Variants in RAB3B observed in about 807,000 individuals in gnomAD.
RAB3B encodes ras-related protein Rab-3B.
RAB3B carries 11 observed loss-of-function variants against 20.5 expected under a neutral mutation model. That is an observed-to-expected ratio of 0.54 (90% confidence interval 0.34 to 0.89). The LOEUF is 0.89. Ranked by LOEUF, RAB3B falls within the 40% of genes least tolerant of loss-of-function variation. The pLI is 0.02. For synonymous variants in RAB3B, 99 were observed against 106.3 expected (o/e 0.93, Z 0.42); for missense variants, 225 against 280.9 (o/e 0.80, Z 1.42).
intron 2 of RAB3B, among the ~76,000 whole-genome samples, chr1:51,948,996 G>C (rs370602820): frequency 6.6e-6 from 1 of 152,140 alleles, no homozygotes; most frequent in South Asian, 2.1e-4. Context: ...AATGTCAGAT[G>C]GTCCTTTGGA....
chr1:51,946,108 A>C (rs1684560763), intron 2 of RAB3B, among the ~76,000 whole-genome samples: 1 of 152,140 alleles, frequency 6.6e-6, no homozygotes, highest in Non-Finnish European at 1.5e-5. Flanking sequence ...AGGTGGTGAT[A>C]ATAATATTAT....
At chr1:51,934,775 C>CAAAA (rs34750673) in intron 3 of RAB3B, among the ~76,000 whole-genome samples, 29 of 69,896 alleles carry the variant, frequency 4.1e-4, no homozygotes, top group South Asian at 6.8e-4. Flanking sequence ...GACTCCATCT[C>CAAAA]AAAAAAAAAA....
chr1:51,953,585 T>C (rs1215474875), intron 2 of RAB3B, among the ~76,000 whole-genome samples: 1 of 152,138 alleles, frequency 6.6e-6, no homozygotes, highest in African/African-American at 2.4e-5. Context: ...GGGCAGATCA[T>C]CTGAGTTCAG....
At chr1:51,985,121 G>T (rs971709918) in intron 1 of RAB3B, among the ~76,000 whole-genome samples, 3 of 152,194 alleles carry the variant, frequency 2.0e-5, no homozygotes, top group Non-Finnish European at 4.4e-5. Flanking sequence ...CAAATAGAAA[G>T]AGTAGTACTA....
chr1:51,919,373 G>A lies in RAB3B; in HGVS notation c.*554C>T, dbSNP rs918574663. 2 of 152,448 alleles carry A rather than the reference G, an allele frequency of 1.3e-5. No individual in the cohort carries two copies. The highest frequency in any genetic ancestry group is 2.4e-5 in the African/African-American group (1 of 41,478). 9.4% of individuals were successfully genotyped at this position (152,448 alleles called of 1,614,324 possible). ...AGCTCTCTGAAGATTAGCTCTTCCT[G>A]TCGCCACAGCAACTGCCCAGGCCCT... On this transcript the variant is annotated 3_prime_UTR_variant, in exon 5 of 5. Coordinates refer to ENST00000371655, the MANE Select transcript of RAB3B (RefSeq NM_002867.4).
intron 4 of RAB3B, among the ~76,000 whole-genome samples, chr1:51,928,201 G>A (rs554885223): frequency 3.9e-5 from 6 of 152,208 alleles, no homozygotes; most frequent in Non-Finnish European, 8.8e-5. Context: ...CCGCCTCCCC[G>A]GTTCAGGCGA....
chr1:51,920,529 G>C (rs186609895), intron 4 of RAB3B, among the ~76,000 whole-genome samples: 4 of 152,178 alleles, frequency 2.6e-5, no homozygotes, highest in African/African-American at 9.7e-5. Flanking sequence ...ATGCATAAAC[G>C]TGTGTCCACA....
chr1:51,961,038 G>A (rs1684777351), intron 2 of RAB3B, among the ~76,000 whole-genome samples: 1 of 152,170 alleles, frequency 6.6e-6, no homozygotes, highest in Non-Finnish European at 1.5e-5. Flanking sequence ...GGAAACAGAG[G>A]TTCAGAGACA....
In RAB3B at chr1:51,918,971, C is replaced by CTTTTTTTTT. The variant is rs10525871; in HGVS notation, c.*947_*955dup. On this transcript the variant is annotated 3_prime_UTR_variant, in exon 5 of 5. Coordinates refer to ENST00000371655, the MANE Select transcript of RAB3B (RefSeq NM_002867.4). The stretch of plus-strand genomic sequence containing the variant: ...ATTTTGTAGGGGATAATCCTTTTCT[C>CTTTTTTTTT]TTTTTTTTTTTTTTTTTTTTTTTGA... The CTTTTTTTTT allele has an allele frequency of 3.8e-5, 5 of 132,122 alleles. No individual in the cohort carries two copies. Among genetic ancestry groups the CTTTTTTTTT allele is most frequent in the African/African-American group, 1.6e-4 (5 of 31,852 alleles). The allele number at this position is 132,122 out of a possible 1,614,324, so 8.2% of individuals were successfully genotyped here. A position where few individuals can be genotyped will look rare whatever the true frequency, so the allele number is the denominator to read the frequency against.
intron 3 of RAB3B, among the ~76,000 whole-genome samples, chr1:51,934,631 C>G (rs1383090283): frequency 6.6e-6 from 1 of 151,704 alleles, no homozygotes; most frequent in Non-Finnish European, 1.5e-5. Flanking sequence ...AAAAAATTAG[C>G]TGGGCATGGT....
intron 2 of RAB3B, among the ~76,000 whole-genome samples, chr1:51,957,487 C>G (rs1266529754): frequency 1.3e-5 from 2 of 152,202 alleles, no homozygotes; most frequent in Non-Finnish European, 2.9e-5. Flanking sequence ...AGCTTTGCCA[C>G]TTCTTGGCAT....
At chr1:51,952,846 A>C (rs1245459220) in intron 2 of RAB3B, among the ~76,000 whole-genome samples, 1 of 152,054 alleles carries the variant, frequency 6.6e-6, no homozygotes, top group Non-Finnish European at 1.5e-5. Context: ...AGCTTCTGTG[A>C]AGTTTCTCTT....
In RAB3B at chr1:51,937,379, T is replaced by A. The variant is rs1295436926; in HGVS notation, c.262A>T (p.Thr88Ser). Residue 88 changes from threonine to serine, a missense_variant, in exon 3 of 5, where the codon ACA (threonine) becomes TCA (serine). Coordinates refer to ENST00000371655, the MANE Select transcript of RAB3B (RefSeq NM_002867.4). ...TAGQERYRTI[T>S]TAYYRGAMGF... ...ATGGCCCCACGGTAATAGGCTGTTG[T>A]GATGGTCCGGTACCGCTCCTGCCCA... is the stretch of plus-strand genomic sequence containing the variant. 6 of 1,612,468 alleles carry A rather than the reference T, an allele frequency of 3.7e-6. No homozygotes were observed. The highest frequency in any genetic ancestry group is 5.1e-6 in the Non-Finnish European group (6 of 1,179,422).
intron 2 of RAB3B, among the ~76,000 whole-genome samples, chr1:51,953,132 T>C (rs1684661888): frequency 6.6e-6 from 1 of 152,204 alleles, no homozygotes; most frequent in South Asian, 2.1e-4. Flanking sequence ...GAATGAACCA[T>C]CATTCATAAT....
intron 4 of RAB3B, among the ~76,000 whole-genome samples, 168 bp downstream of exon 4, chr1:51,933,150 A>G (rs1684349076): frequency 1.3e-5 from 2 of 152,250 alleles, no homozygotes; most frequent in Admixed American, 1.3e-4. Context: ...CACAAAGCCC[A>G]TATGTACCTC....
At chr1:51,944,233 C>T (rs544880736) in intron 2 of RAB3B, among the ~76,000 whole-genome samples, 13 of 152,200 alleles carry the variant, frequency 8.5e-5, no homozygotes, top group Admixed American at 7.2e-4. Context: ...GACAACACAT[C>T]TGTTTACAAT....
intron 2 of RAB3B, among the ~76,000 whole-genome samples, chr1:51,971,317 A>G (rs181532806): frequency 2.0e-5 from 3 of 152,212 alleles, no homozygotes; most frequent in East Asian, 3.9e-4. Context: ...TCCCTTTACA[A>G]TGAAAGCAGT....
chr1:51,966,121 C>T (rs572500389), intron 2 of RAB3B, among the ~76,000 whole-genome samples: 92 of 152,342 alleles, frequency 6.0e-4, no homozygotes, highest in African/African-American at 2.2e-3. Flanking sequence ...GAGCCTAGCA[C>T]AGCTAGGCAC....
intron 2 of RAB3B, among the ~76,000 whole-genome samples, chr1:51,946,856 T>C (rs1684572379): frequency 6.6e-6 from 1 of 152,210 alleles, no homozygotes; most frequent in Non-Finnish European, 1.5e-5. Context: ...TATTTACAGA[T>C]GAGGTAAAGT....
Sources: allele counts gnomAD v4.1 joint callset (sites outside exome capture counted in the v4.1 genomes callset), GRCh38; gene constraint gnomAD v4.1.1; transcripts MANE v1.5; gene names NCBI Gene and HGNC (gene_info 2026-07-23, HGNC 2026-07-21).